The following B3GNT5 variants were observed in gnomAD, a reference collection of about 807,000 sequenced individuals.
The protein encoded by B3GNT5 is lactosylceramide 1,3-N-acetyl-beta-D-glucosaminyltransferase.
In B3GNT5, 11 loss-of-function variants were observed where a neutral mutation model predicts 25.9. That is an observed-to-expected ratio of 0.42 (90% CI 0.27 to 0.70). B3GNT5 has a LOEUF of 0.70. B3GNT5 is among the 30% of genes least tolerant of loss of function. The pLI, the probability that B3GNT5 is intolerant of heterozygous loss-of-function variation, is 0.23. For missense variants in B3GNT5, 385 were observed against 458.4 expected (o/e 0.84, Z 1.46); for synonymous variants, 166 against 158.6 (o/e 1.05, Z -0.35).
At chr3:183,262,545 C>T (rs2081791304) in intron 1 of B3GNT5, among the ~76,000 whole-genome samples, 1 of 152,026 alleles carries the variant, frequency 6.6e-6, no homozygotes, top group Non-Finnish European at 1.5e-5. Context: ...ATAAGTGGCT[C>T]CCTTGTCTCC....
intron 1 of B3GNT5, among the ~76,000 whole-genome samples, chr3:183,262,317 T>A (rs1164052640): frequency 6.6e-6 from 1 of 152,044 alleles, no homozygotes; most frequent in Non-Finnish European, 1.5e-5. Flanking sequence ...GTTGGCAATA[T>A]TCAGCCCCCA....
In B3GNT5 at chr3:183,272,329, G is replaced by A; in HGVS notation, c.*1394G>A. ...TATGAAGGCCAAAATAATGACTTCA[G>A]CAAGAGTGACTGAACTCACTCTAAG... On this transcript the variant is annotated 3_prime_UTR_variant, in exon 2 of 2. Transcript: ENST00000326505. The A allele has an allele frequency of 1.0e-6, 1 of 1,000,250 alleles. No individual in the cohort carries two copies. Among genetic ancestry groups the A allele is most frequent in the Non-Finnish European group, 1.2e-6 (1 of 830,000 alleles). The allele number at this position is 1,000,250 out of a possible 1,614,324, so 62.0% of individuals were successfully genotyped here. A position where few individuals can be genotyped will look rare whatever the true frequency, so the allele number is the denominator to read the frequency against.
chr3:183,255,552 C>CTAAGGTAGAACCAGTGT (rs1215536586), intron 1 of B3GNT5, among the ~76,000 whole-genome samples: 2 of 152,122 alleles, frequency 1.3e-5, no homozygotes, highest in Admixed American at 1.3e-4. Context: ...CTGCAAGGCT[C>CTAAGGTAGAACCAGTGT]TAAGGTAGAA....
At position 183,270,391 on chromosome 3, in the gene B3GNT5, T is replaced by G; in HGVS notation, c.593T>G (p.Ile198Ser). Reference sequence around the variant, plus strand: ...ATGACTGCTGATGATGACATATTTATTCACATGCCAAATCTGATTGAGTAC... The same window carrying G: ...ATGACTGCTGATGATGACATATTTAGTCACATGCCAAATCTGATTGAGTAC... Reference protein sequence around the residue: ...FLMTADDDIFIHMPNLIEYLQ... With the variant: ...FLMTADDDIFSHMPNLIEYLQ... Residue 198 changes from isoleucine to serine, a missense_variant, in exon 2 of 2, where the codon ATT (isoleucine) becomes AGT (serine). Physicochemically the swap from Ile to Ser is moderately radical, Grantham distance 142. Transcript: ENST00000326505. This position sits in a 1 kb window ranked among gnomAD's most constrained non-coding sequence, Gnocchi z 4.5. 1 of 1,614,224 alleles carries G rather than the reference T, an allele frequency of 6.2e-7. No individual in the cohort carries two copies. Among genetic ancestry groups the G allele is most frequent in the Non-Finnish European group, 8.5e-7 (1 of 1,180,036 alleles).
chr3:183,269,980 C>T lies in B3GNT5; in HGVS notation c.182C>T (p.Thr61Ile). 1 of 1,614,056 alleles carries T rather than the reference C, an allele frequency of 6.2e-7. No homozygotes were observed. Among genetic ancestry groups the T allele is most frequent in the Middle Eastern group, 1.6e-4 (1 of 6,062 alleles). ...AATAGCTATGACTTTGTGAATGATA[C>T]CCTGTCTCTTAAGCACACCTCAGCG... ...LINSYDFVND[T>I]LSLKHTSAGP... The change falls in exon 2 of 2, where the codon ACC becomes ATC. Residue 61 changes from threonine to isoleucine, a missense_variant. Transcript: ENST00000326505.
rs1047371878 is a variant in B3GNT5 at position 183,271,853 on chromosome 3, A to G, written c.*918A>G. 1 of 167,108 alleles carries G rather than the reference A, an allele frequency of 6.0e-6. No individual in the cohort carries two copies. Among genetic ancestry groups the G allele is most frequent in the Non-Finnish European group, 1.5e-5 (1 of 68,134 alleles). 10.4% of individuals were successfully genotyped at this position (167,108 alleles called of 1,614,324 possible). ...GAGACTTCAAATGGAAAGACAGAACATTACAAGCCTAATGTCTCCATAATT... is the reference window on the plus strand; with the variant it reads ...GAGACTTCAAATGGAAAGACAGAACGTTACAAGCCTAATGTCTCCATAATT... On this transcript the variant is annotated 3_prime_UTR_variant, in exon 2 of 2. Coordinates refer to ENST00000326505, the MANE Select transcript of B3GNT5 (RefSeq NM_032047.5).
chr3:183,254,801 G>A (rs913650355), intron 1 of B3GNT5: 1 of 152,302 alleles, frequency 6.6e-6, no homozygotes, highest in Non-Finnish European at 1.5e-5. Flanking sequence ...CAGGGAAGTG[G>A]GCAGGCGGGG....
chr3:183,262,603 G>T (rs1301487446), intron 1 of B3GNT5, among the ~76,000 whole-genome samples: 1 of 152,014 alleles, frequency 6.6e-6, no homozygotes, highest in Non-Finnish European at 1.5e-5. Context: ...AATGGTGAGT[G>T]TTGGGGAACT....
chr3:183,253,639 A>G (rs1170874354), intron 1 of B3GNT5, 167 bp downstream of exon 1: 1 of 152,258 alleles, frequency 6.6e-6, no homozygotes, highest in African/African-American at 2.4e-5. Flanking sequence ...TTTTAACAAG[A>G]CCCGCCTGAG....
Position 183,269,735 on chromosome 3 carries a change from A to G in B3GNT5, c.-64A>G, listed in dbSNP as rs900539541. 18 of 1,437,612 alleles carry G rather than the reference A, an allele frequency of 1.3e-5. No individual in the cohort carries two copies. In the African/African-American group the frequency reaches 1.9e-4, roughly 15 times the overall value. 89.1% of individuals were successfully genotyped at this position (1,437,612 alleles called of 1,614,324 possible). ...CCTACTCTACGAAACACGAAGTTCT[A>G]TGGTCTCGAAGAAGCCCGTGCCTGT... On this transcript the variant is annotated 5_prime_UTR_variant, in exon 2 of 2. The change abolishes an upstream ATG in the 5' untranslated region. Coordinates refer to ENST00000326505, the MANE Select transcript of B3GNT5 (RefSeq NM_032047.5).
At chr3:183,261,458 T>C (rs559364202) in intron 1 of B3GNT5, among the ~76,000 whole-genome samples, 44 of 152,272 alleles carry the variant, frequency 2.9e-4, no homozygotes, top group African/African-American at 1.0e-3. Context: ...CTTTATTAAG[T>C]AATAAAAGTT....
At position 183,271,931 on chromosome 3, in the gene B3GNT5, C is replaced by A. The variant is rs1256858649; in HGVS notation, c.*996C>A. On this transcript the variant is annotated 3_prime_UTR_variant, in exon 2 of 2. Coordinates refer to ENST00000326505, the MANE Select transcript of B3GNT5 (RefSeq NM_032047.5). ...TCCTTGTACTGATTACTAAAATTAACCCACTCCTCCCCAACAAGGTCTTAT... is the reference window on the plus strand; with the variant it reads ...TCCTTGTACTGATTACTAAAATTAAACCACTCCTCCCCAACAAGGTCTTAT... The A allele has an allele frequency of 5.8e-6, 1 of 171,354 alleles. No individual in the cohort carries two copies. The highest frequency in any genetic ancestry group is 2.4e-5 in the African/African-American group (1 of 41,542). 10.6% of individuals were successfully genotyped at this position (171,354 alleles called of 1,614,324 possible). A position where few individuals can be genotyped will look rare whatever the true frequency, so the allele number is the denominator to read the frequency against.
At position 183,273,054 on chromosome 3, in the gene B3GNT5, G is replaced by A. The variant is rs1332397630; in HGVS notation, c.*2119G>A. The A allele has an allele frequency of 6.7e-6, 10 of 1,487,092 alleles. No individual in the cohort carries two copies. Among genetic ancestry groups the A allele is most frequent in the Non-Finnish European group, 8.9e-6 (10 of 1,118,000 alleles). 92.1% of individuals were successfully genotyped at this position (1,487,092 alleles called of 1,614,324 possible). ...CTTCATCACACTTACTTAAAGTACT[G>A]AGAAGAGTATCTGTAAATAAAAGGG... On this transcript the variant is annotated 3_prime_UTR_variant, in exon 2 of 2. Coordinates refer to ENST00000326505, the MANE Select transcript of B3GNT5 (RefSeq NM_032047.5).
chr3:183,263,594 G>T (rs1324248559), intron 1 of B3GNT5, among the ~76,000 whole-genome samples: 2 of 152,042 alleles, frequency 1.3e-5, no homozygotes, highest in East Asian at 3.9e-4. Context: ...TCCACCTAGA[G>T]AGCTTATCCA....
chr3:183,269,230 C>CTTTGTTTTTTTTTTTTTTTTT (rs1726469128), intron 1 of B3GNT5, among the ~76,000 whole-genome samples: 2 of 81,030 alleles, frequency 2.5e-5, no homozygotes, highest in East Asian at 5.3e-4. Context: ...GTTTGGGAAG[C>CTTTGTTTTTTTTTTTTTTTTT]TTTTTTTTTT....
At position 183,269,565 on chromosome 3, in the gene B3GNT5, T is replaced by C. The variant is rs928808042; in HGVS notation, c.-234T>C. On this transcript the variant is annotated 5_prime_UTR_variant, in exon 2 of 2. Transcript: ENST00000326505. ...CACCACGCTTCCTGAAGGATGCCCG[T>C]GTGGAAGAATTTTGACGTGCCAGTG... 3 of 443,198 alleles carry C rather than the reference T, an allele frequency of 6.8e-6. No homozygotes were observed. The highest frequency in any genetic ancestry group is 6.2e-5 in the African/African-American group (3 of 48,548). 27.5% of individuals were successfully genotyped at this position (443,198 alleles called of 1,614,324 possible).
In B3GNT5 at chr3:183,261,587, A is replaced by G. The variant is rs368014366; in HGVS notation, c.-301-7911A>G. Among the ~76,000 whole-genome samples the G allele has an allele frequency of 1.6e-4, 25 of 152,342 alleles. No individual in the cohort carries two copies. In the South Asian group the frequency reaches 3.3e-3, roughly 20 times the overall value. On this transcript the variant is annotated intron_variant, in intron 1 of 1. Transcript: ENST00000326505. ...GCATATCACTTTTAAAGGGATCATT[A>G]TATTTTCATGATGCATGGGGATATT...
At chr3:183,266,260 G>T (rs12634826) in intron 1 of B3GNT5, 35,027 of 152,200 alleles carry the variant, frequency 0.23, 5,078 homozygotes, top group Non-Finnish European at 0.3. Flanking sequence ...ACAACTGTAG[G>T]ACGTGCAAAG....
rs1475372349 is a variant in B3GNT5 at position 183,270,813 on chromosome 3, C to T, written c.1015C>T (p.Pro339Ser). The change falls in exon 2 of 2, where the codon CCT (proline) becomes TCT (serine). Residue 339 changes from proline (P) to serine (S), a missense_variant. Transcript: ENST00000326505. This position sits in a 1 kb window ranked among gnomAD's most constrained non-coding sequence, Gnocchi z 4.5. ...GGACCTTTGGAAGAATGCTACAGAT[C>T]CTAAAGTAAAAACCATTTCCAAAGG... ...LQDLWKNATD[P>S]KVKTISKGFF... The T allele has an allele frequency of 3.7e-6, 6 of 1,613,828 alleles. No homozygotes were observed. The highest frequency in any genetic ancestry group is 4.2e-6 in the Non-Finnish European group (5 of 1,179,942).
Sources: allele counts gnomAD v4.1 joint callset (sites outside exome capture counted in the v4.1 genomes callset), GRCh38; gene constraint gnomAD v4.1.1; non-coding constraint Gnocchi (gnomAD v3.1); transcripts MANE v1.5; gene names NCBI Gene and HGNC (gene_info 2026-07-23, HGNC 2026-07-21).